The following VIPR2 variants were observed in gnomAD, a reference collection of about 807,000 sequenced individuals.
VIPR2 encodes the protein vasoactive intestinal polypeptide receptor 2.
In VIPR2, 48 loss-of-function variants were observed where a neutral mutation model predicts 58.0. That is an observed-to-expected ratio of 0.83 (90% CI 0.66 to 1.05). VIPR2 has a LOEUF of 1.05. Among genes scored for constraint, VIPR2 ranks in the 50% least tolerant of loss-of-function variants. The pLI is 0.00. For missense variants in VIPR2, 534 were observed against 558.0 expected, an observed-to-expected ratio of 0.96 and a Z score of 0.43; for synonymous variants, 243 against 235.2, an observed-to-expected ratio of 1.03 and a Z score of -0.30.
rs118038862 is a variant in VIPR2 at position 159,069,662 on chromosome 7, C to T, written c.358-11084G>A. ...CTGCACCTGGGCTGGTTTCTTTGTA[C>T]GGATCCTTCCTGGTCCAGAACCCTC... is the stretch of plus-strand genomic sequence containing the variant. On this transcript the variant is annotated intron_variant, in intron 4 of 12. Coordinates refer to ENST00000262178, the MANE Select transcript of VIPR2 (RefSeq NM_003382.5). Among the ~76,000 whole-genome samples the T allele has an allele frequency of 3.4e-4, 51 of 152,194 alleles. No individual in the cohort carries two copies. In the East Asian group the frequency reaches 7.6e-3, roughly 23 times the overall value.
intron 3 of VIPR2, among the ~76,000 whole-genome samples, chr7:159,109,019 ACT>A (rs1795884818): frequency 6.6e-6 from 1 of 152,028 alleles, no homozygotes; most frequent in South Asian, 2.1e-4. Context: ...CTTTTCCAAA[ACT>A]CTGCTTTAAA....
intron 1 of VIPR2, among the ~76,000 whole-genome samples, chr7:159,143,473 T>C (rs189615552): frequency 2.0e-5 from 3 of 152,284 alleles, no homozygotes; most frequent in Admixed American, 2.0e-4. Flanking sequence ...TATCTTACTA[T>C]TGAAATGGTC....
intron 4 of VIPR2, among the ~76,000 whole-genome samples, chr7:159,102,912 C>T (rs1858388922): frequency 6.6e-6 from 1 of 152,246 alleles, no homozygotes; most frequent in South Asian, 2.1e-4. Context: ...GCACACACCT[C>T]TGGCTGCAGG....
intron 4 of VIPR2, among the ~76,000 whole-genome samples, chr7:159,064,981 A>G (rs1856001368): frequency 6.6e-6 from 1 of 152,078 alleles, no homozygotes; most frequent in African/African-American, 2.4e-5. Flanking sequence ...CCCACCTTCC[A>G]GAAGCAGGCG....
intron 5 of VIPR2, among the ~76,000 whole-genome samples, chr7:159,045,880 A>T (rs1854611852): frequency 1.4e-5 from 2 of 138,300 alleles, no homozygotes; most frequent in South Asian, 4.9e-4. Context: ...TCTGATAAGG[A>T]TTAGTATCTA....
chr7:159,096,857 G>A lies in VIPR2; in HGVS notation c.357+6900C>T, dbSNP rs1239150115. On this transcript the variant is annotated intron_variant, in intron 4 of 12. Coordinates refer to ENST00000262178, the MANE Select transcript of VIPR2 (RefSeq NM_003382.5). The surrounding 1 kb of genome is among the most constrained non-coding windows in gnomAD (Gnocchi z 5.5). The stretch of plus-strand genomic sequence containing the variant: ...CACCTCGGGATGCTTCCGCCGTACT[G>A]TGTCCATGGCTGAGACCACCCTCTC... 1.3e-6 allele frequency: 2 copies of A among 1,535,022 alleles called. No homozygotes were observed. Among genetic ancestry groups the A allele is most frequent in the East Asian group, 4.9e-5 (2 of 40,578 alleles).
chr7:159,138,816 A>G (rs972164720), intron 2 of VIPR2, among the ~76,000 whole-genome samples: 1 of 152,180 alleles, frequency 6.6e-6, no homozygotes, highest in Non-Finnish European at 1.5e-5. Context: ...TACATTTTTG[A>G]ACAGAATTTT....
chr7:159,144,128 C>CTT (rs149864995), intron 1 of VIPR2, among the ~76,000 whole-genome samples: 6 of 151,660 alleles, frequency 4.0e-5, no homozygotes, highest in African/African-American at 1.5e-4. Flanking sequence ...TTTTTCTTTC[C>CTT]TTTTTTTTTA....
Position 159,144,708 on chromosome 7 carries a change from C to G in VIPR2, c.51+13G>C. 7.5e-7 allele frequency: 1 copy of G among 1,325,770 alleles called. No individual in the cohort carries two copies. The allele number at this position is 1,325,770 out of a possible 1,614,324, so 82.1% of individuals were successfully genotyped here. On this transcript the variant is annotated intron_variant, in intron 1 of 12. Transcript: ENST00000262178. ...CCGAGGCGCCGTGGGGCGGGGGTCG[C>G]GGGCGCACTCACGGGGGCGAGCAGC...
chr7:159,064,576 G>C (rs1855976088), intron 4 of VIPR2, among the ~76,000 whole-genome samples: 1 of 152,146 alleles, frequency 6.6e-6, no homozygotes, highest in African/African-American at 2.4e-5. Context: ...GTGGGGCTTC[G>C]AGGTTGTCAG....
chr7:159,137,285 TTC>T (rs1797270456), intron 2 of VIPR2, among the ~76,000 whole-genome samples: 2 of 152,240 alleles, frequency 1.3e-5, no homozygotes, highest in South Asian at 2.1e-4. Flanking sequence ...TCAACCATAA[TTC>T]CCTTTATGAT....
In VIPR2 at chr7:159,116,516, T is replaced by G. The variant is rs1796243216; in HGVS notation, c.152-6597A>C. On this transcript the variant is annotated intron_variant, in intron 2 of 12. Transcript: ENST00000262178. ...GGAAGCTTCCAGGCAATGAGTGACT[T>G]TTCAATGTAGACTGGCAGTGGTGGC... Among the ~76,000 whole-genome samples, 3 of 152,258 alleles carry G rather than the reference T, an allele frequency of 2.0e-5. No individual in the cohort carries two copies. The South Asian group carries it at 6.2e-4, about 32-fold the overall frequency.
At chr7:159,059,229 A>C (rs1173367461) in intron 4 of VIPR2, 2 of 471,152 alleles carry the variant, frequency 4.2e-6, no homozygotes, top group Non-Finnish European at 8.8e-6. Flanking sequence ...ACACAAAAAG[A>C]ACTGGGTCCT....
chr7:159,110,106 G>A (rs1304229514), intron 2 of VIPR2, among the ~76,000 whole-genome samples, 187 bp from the exon 3 acceptor site: 1 of 152,190 alleles, frequency 6.6e-6, no homozygotes, highest in Non-Finnish European at 1.5e-5. Context: ...TAACCATATG[G>A]TGGTAGAAAG....
chr7:159,040,278 G>C (rs558601526), intron 6 of VIPR2, among the ~76,000 whole-genome samples: 11 of 152,340 alleles, frequency 7.2e-5, no homozygotes, highest in African/African-American at 2.6e-4. Flanking sequence ...ACCCCGGCCA[G>C]GAGACCCACC....
At chr7:159,035,171 C>A (rs1853851447) in intron 8 of VIPR2, among the ~76,000 whole-genome samples, 1 of 152,208 alleles carries the variant, frequency 6.6e-6, no homozygotes, top group African/African-American at 2.4e-5. Context: ...CCAGGGTCCA[C>A]ACCCTGCGCT....
rs71547598 is a variant in VIPR2, at chr7:159,128,150, G to T, written c.151+14296C>A. Among the ~76,000 whole-genome samples the T allele has an allele frequency of 7.6e-3, 1,159 of 152,216 alleles. 18 individuals are homozygous for T. The highest frequency in any genetic ancestry group is 0.026 in the African/African-American group (1,096 of 41,542). On this transcript the variant is annotated intron_variant, in intron 2 of 12. Transcript: ENST00000262178. The surrounding 1 kb of genome is among the most constrained non-coding windows in gnomAD (Gnocchi z 4.1). ...TGCCTCTGCCCCTGAGGGATGTGACGGGGGTGGGGGGACACCACCCCAGCT... is the reference window on the plus strand; with the variant it reads ...TGCCTCTGCCCCTGAGGGATGTGACTGGGGTGGGGGGACACCACCCCAGCT...
intron 4 of VIPR2, among the ~76,000 whole-genome samples, chr7:159,100,766 G>A (rs1435433616): frequency 6.6e-6 from 1 of 150,586 alleles, no homozygotes; most frequent in South Asian, 2.1e-4. Flanking sequence ...GATAGTGAAC[G>A]GGTCTCAGAT....
intron 5 of VIPR2, among the ~76,000 whole-genome samples, chr7:159,047,355 A>G (rs1854720000): frequency 6.6e-6 from 1 of 152,246 alleles, no homozygotes; most frequent in Admixed American, 6.5e-5. Flanking sequence ...AACTCACTGG[A>G]CAATTAATAT....
Sources: allele counts gnomAD v4.1 joint callset (sites outside exome capture counted in the v4.1 genomes callset), GRCh38; gene constraint gnomAD v4.1.1; non-coding constraint Gnocchi (gnomAD v3.1); transcripts MANE v1.5; gene names NCBI Gene and HGNC (gene_info 2026-07-23, HGNC 2026-07-21).